Variants in NLK observed in about 807,000 individuals in gnomAD.
NLK encodes the protein serine/threonine-protein kinase NLK.
A neutral mutation model predicts 59.0 loss-of-function variants in NLK; 11 were observed. The ratio of observed to expected loss-of-function variants is 0.19; its 90% confidence interval spans 0.12 to 0.31. The LOEUF (loss-of-function observed/expected upper bound fraction) is 0.31, where lower values mean the gene tolerates loss of function less well. NLK is among the 10% of genes least tolerant of loss of function. NLK has a pLI of 1.00. For synonymous variants in NLK, 235 were observed against 235.9 expected (o/e 1.00, Z 0.03); for missense variants, 410 against 661.1 (o/e 0.62, Z 4.16).
intron 3 of NLK, among the ~76,000 whole-genome samples, chr17:28,139,681 C>G (rs754923752): frequency 3.0e-4 from 45 of 152,122 alleles, no homozygotes; most frequent in Non-Finnish European, 5.6e-4. Context: ...TTACTTTATT[C>G]ATATCTCCAA....
At chr17:28,045,664 A>T (rs988079961) in intron 1 of NLK, among the ~76,000 whole-genome samples, 3 of 152,186 alleles carry the variant, frequency 2.0e-5, no homozygotes, top group Non-Finnish European at 2.9e-5. Flanking sequence ...CATGTCAATG[A>T]CTTGCTGTCT....
At chr17:28,053,021 C>G (rs2142737385) in intron 1 of NLK, among the ~76,000 whole-genome samples, 1 of 151,824 alleles carries the variant, frequency 6.6e-6, no homozygotes, top group East Asian at 1.9e-4. Context: ...AGCAGTTTGC[C>G]CACCTTGACC....
chr17:28,142,339 A>T (rs1004859246), intron 3 of NLK, among the ~76,000 whole-genome samples: 1 of 152,194 alleles, frequency 6.6e-6, no homozygotes, highest in African/African-American at 2.4e-5. Flanking sequence ...CCTGGGAAAG[A>T]GATTGTCGTA....
chr17:28,128,502 G>A (rs1335114845), intron 2 of NLK, among the ~76,000 whole-genome samples: 2 of 152,056 alleles, frequency 1.3e-5, no homozygotes, highest in Non-Finnish European at 2.9e-5. Context: ...AAATGAAGAC[G>A]TTTTGCCCAA....
chr17:28,163,286 T>A (rs1265654094), intron 4 of NLK, among the ~76,000 whole-genome samples: 1 of 152,248 alleles, frequency 6.6e-6, no homozygotes, highest in Non-Finnish European at 1.5e-5. Flanking sequence ...CCTAAGAAGC[T>A]TATCTGTATT....
At chr17:28,149,358 C>G (rs1038377069) in intron 3 of NLK, among the ~76,000 whole-genome samples, 1 of 152,160 alleles carries the variant, frequency 6.6e-6, no homozygotes, top group Non-Finnish European at 1.5e-5. Context: ...GCCACTGTAT[C>G]TGGCTTAAAG....
intron 4 of NLK, among the ~76,000 whole-genome samples, chr17:28,163,187 G>T (rs750962472): frequency 9.8e-5 from 15 of 152,346 alleles, no homozygotes; most frequent in Non-Finnish European, 1.9e-4. Context: ...AGCAGGCTCC[G>T]AGTTGCAGGT....
chr17:28,122,789 G>A (rs2142819566), intron 2 of NLK, 57 bp downstream of exon 2: 2 of 1,595,100 alleles, frequency 1.3e-6, no homozygotes, highest in Middle Eastern at 1.7e-4. Flanking sequence ...CATTGAATTA[G>A]TAAAGAGCAG....
chr17:28,168,477 A>G lies in NLK; in HGVS notation c.867A>G (p.Glu289=), dbSNP rs1908332420. ...GTGATTTTGGATTGGCCAGAGTGGAAGAATTAGATGAATCCCGTCATATGA... is the reference window on the plus strand; with the variant it reads ...GTGATTTTGGATTGGCCAGAGTGGAGGAATTAGATGAATCCCGTCATATGA... ...KICDFGLARV[E]ELDESRHMTQ... is the part of the protein sequence containing the mutation. Residue 289 remains glutamate (E), a synonymous_variant, in exon 6 of 11, where the codon GAA becomes GAG. Transcript: ENST00000407008. 2.5e-6 allele frequency: 4 copies of G among 1,613,858 alleles called. No homozygotes were observed. The highest frequency in any genetic ancestry group is 3.4e-6 in the Non-Finnish European group (4 of 1,179,760).
chr17:28,193,640 C>T (rs549773620), intron 10 of NLK, among the ~76,000 whole-genome samples: 1 of 152,226 alleles, frequency 6.6e-6, no homozygotes, highest in African/African-American at 2.4e-5. Context: ...CACACAGTCT[C>T]TATCTTCCCC....
At chr17:28,202,687 C>CT in the NLK span, among the ~76,000 whole-genome samples, 13,156 of 133,360 alleles carry the variant, frequency 0.099, 743 homozygotes, top group South Asian at 0.12. Flanking sequence ...TCTTTTTTTT[C>CT]TTTTTTTTTT....
intron 10 of NLK, among the ~76,000 whole-genome samples, 193 bp downstream of exon 10, chr17:28,192,406 T>TG (rs1379264704): frequency 6.6e-6 from 1 of 152,186 alleles, no homozygotes; most frequent in Admixed American, 6.5e-5. Flanking sequence ...CGGTAGCTCA[T>TG]GCCTGTAATC....
intron 1 of NLK, among the ~76,000 whole-genome samples, chr17:28,104,395 A>G (rs1471183511): frequency 1.3e-5 from 2 of 152,098 alleles, no homozygotes; most frequent in African/African-American, 4.8e-5. Context: ...AGCTGGGATT[A>G]CAGGCACACG....
intron 2 of NLK, among the ~76,000 whole-genome samples, chr17:28,124,287 G>A (rs1016600022): frequency 1.1e-4 from 16 of 152,294 alleles, no homozygotes; most frequent in African/African-American, 3.9e-4. Context: ...TACTCAGAAG[G>A]CTGAAGTGGT....
intron 2 of NLK, among the ~76,000 whole-genome samples, chr17:28,131,894 T>G (rs571609060): frequency 1.3e-5 from 2 of 152,280 alleles, no homozygotes; most frequent in African/African-American, 4.8e-5. Context: ...TTAAAGAGAC[T>G]TTGTGTAGTG....
At chr17:28,096,695 T>C in intron 1 of NLK, among the ~76,000 whole-genome samples, 1 of 152,164 alleles carries the variant, frequency 6.6e-6, no homozygotes, top group East Asian at 1.9e-4. Flanking sequence ...CACTCCCCCA[T>C]CTATTTCCAA....
intron 6 of NLK, 61 bp from the exon 7 acceptor site, chr17:28,172,456 A>C: frequency 8.6e-7 from 1 of 1,168,916 alleles, no homozygotes; most frequent in Non-Finnish European, 1.2e-6. Flanking sequence ...GCTATGATTT[A>C]AGAGTAATGA....
chr17:28,085,758 A>G (rs990480611), intron 1 of NLK, among the ~76,000 whole-genome samples: 1 of 152,064 alleles, frequency 6.6e-6, no homozygotes, highest in Non-Finnish European at 1.5e-5. Flanking sequence ...AAAAGAAAAA[A>G]GTAGAGCTGA....
At chr17:28,157,695 A>G (rs1907831259) in intron 3 of NLK, among the ~76,000 whole-genome samples, 1 of 152,182 alleles carries the variant, frequency 6.6e-6, no homozygotes, top group Non-Finnish European at 1.5e-5. Context: ...ATTGCATAGA[A>G]CCATTGAAGC....
Sources: allele counts gnomAD v4.1 joint callset (sites outside exome capture counted in the v4.1 genomes callset), GRCh38; gene constraint gnomAD v4.1.1; transcripts MANE v1.5; gene names NCBI Gene and HGNC (gene_info 2026-07-23, HGNC 2026-07-21).